The following SUN5 variants were observed in gnomAD, a reference collection of about 807,000 sequenced individuals.
The protein encoded by SUN5 is SUN domain-containing protein 5.
A neutral mutation model predicts 53.7 loss-of-function variants in SUN5; 44 were observed. That is an observed-to-expected ratio of 0.82 (90% CI 0.64 to 1.05). SUN5 has a LOEUF of 1.05. Among genes scored for constraint, SUN5 ranks in the 50% least tolerant of loss-of-function variants. SUN5 has a pLI of 0.00. For missense variants in SUN5, 433 were observed against 483.8 expected (o/e 0.90, Z 0.98); for synonymous variants, 166 against 179.8 (o/e 0.92, Z 0.62).
Position 32,997,689 on chromosome 20 carries a change from T to C in SUN5, c.341-2A>G, listed in dbSNP as rs1245022806. ...AGTGAATAGAAAACATCCAGAATCC[T>C]GTGAGGCCATGAGAATAAGAATGAG... On this transcript the variant is annotated splice_acceptor_variant, in intron 5 of 12. Coordinates refer to ENST00000356173, the MANE Select transcript of SUN5 (RefSeq NM_080675.4). LOFTEE classifies it high-confidence loss of function. 2.5e-6 allele frequency: 4 copies of C among 1,613,912 alleles called. No homozygotes were observed. The South Asian group carries it at 4.4e-5, about 18-fold the overall frequency.
chr20:32,991,440 C>T (rs1441665329), intron 8 of SUN5, among the ~76,000 whole-genome samples: 1 of 152,214 alleles, frequency 6.6e-6, no homozygotes. Context: ...GGCACAAAGA[C>T]GGTAAGTAAA....
intron 2 of SUN5, 76 bp downstream of exon 2, chr20:33,002,785 G>A (rs6120081): frequency 5.0e-6 from 8 of 1,604,996 alleles, no homozygotes; most frequent in Non-Finnish European, 6.8e-6. Flanking sequence ...GGTAGCCCCA[G>A]GTTGCCCGTT....
chr20:32,989,071 G>A (rs1039203919), intron 9 of SUN5, among the ~76,000 whole-genome samples: 103 of 152,126 alleles, frequency 6.8e-4, no homozygotes, highest in African/African-American at 2.4e-3. Context: ...GACTACAGGC[G>A]CCCACCACCA....
intron 8 of SUN5, among the ~76,000 whole-genome samples, chr20:32,990,309 G>T (rs1342519176): frequency 2.0e-5 from 3 of 152,256 alleles, no homozygotes; most frequent in African/African-American, 7.2e-5. Flanking sequence ...TCTGCTGCCA[G>T]ATGCGGATGG....
chr20:32,994,434 A>C (rs924712041), intron 8 of SUN5, among the ~76,000 whole-genome samples: 7 of 152,254 alleles, frequency 4.6e-5, no homozygotes, highest in Non-Finnish European at 1.0e-4. Context: ...GATGATCCAG[A>C]CATTGGAGTT....
chr20:32,987,016 A>G (rs1600489117), intron 10 of SUN5, among the ~76,000 whole-genome samples: 1 of 152,340 alleles, frequency 6.6e-6, no homozygotes, highest in Non-Finnish European at 1.5e-5. Context: ...GAACCCACGG[A>G]TGAGTGGCCT....
chr20:32,984,264 T>C (rs1358661486), intron 12 of SUN5, among the ~76,000 whole-genome samples: 1 of 152,118 alleles, frequency 6.6e-6, no homozygotes, highest in Non-Finnish European at 1.5e-5. Flanking sequence ...AAGATGGGAA[T>C]GGTAATATCT....
At chr20:32,987,850 G>GCACATAGTCAGGGCCC in intron 9 of SUN5, 75 bp from the exon 10 acceptor site, 1 of 1,207,074 alleles carries the variant, frequency 8.3e-7, no homozygotes, top group Non-Finnish European at 1.2e-6. Context: ...GATGGGCCCT[G>GCACATAGTCAGGGCCC]ACTATGTGCC....
chr20:33,001,111 C>T, intron 4 of SUN5, 101 bp downstream of exon 4: 2 of 1,357,746 alleles, frequency 1.5e-6, no homozygotes, highest in South Asian at 2.6e-5. Context: ...CTTTTCTGGT[C>T]TGGCTACCAA....
At chr20:32,987,186 C>G (rs1989567066) in intron 10 of SUN5, among the ~76,000 whole-genome samples, 1 of 152,184 alleles carries the variant, frequency 6.6e-6, no homozygotes, top group Non-Finnish European at 1.5e-5. Context: ...CTGAAGAGCT[C>G]AGGTTTGAAC....
chr20:32,995,660 G>A lies in SUN5; in HGVS notation c.493C>T (p.Leu165Phe). 1 of 1,614,192 alleles carries A rather than the reference G, an allele frequency of 6.2e-7. No individual in the cohort carries two copies. Among genetic ancestry groups the A allele is most frequent in the Non-Finnish European group, 8.5e-7 (1 of 1,180,040 alleles). ...TCCATCTCCTGGAGCTTGGCAATGA[G>A]CTGGTTCATGCTACCTCGGAGGTCC... ...IQDLRGSMNQ[L>F]IAKLQEMEAM... Residue 165 changes from leucine (L) to phenylalanine (F), a missense_variant, in exon 8 of 13, where the codon CTC becomes TTC. By Grantham distance (22) the Leu-to-Phe change is conservative (BLOSUM62 0). Coordinates refer to ENST00000356173, the MANE Select transcript of SUN5 (RefSeq NM_080675.4).
chr20:32,999,800 T>G, intron 5 of SUN5: 1 of 959,590 alleles, frequency 1.0e-6, no homozygotes, highest in Non-Finnish European at 1.5e-6. Flanking sequence ...GAGGTGGGGG[T>G]GGTGGCTGGA....
chr20:33,003,194 C>T (rs1990100871), intron 1 of SUN5, among the ~76,000 whole-genome samples: 1 of 152,140 alleles, frequency 6.6e-6, no homozygotes, highest in South Asian at 2.1e-4. Flanking sequence ...TCTGCTCCTA[C>T]CCAATGTGAT....
intron 8 of SUN5, among the ~76,000 whole-genome samples, chr20:32,990,101 T>A (rs1989673389): frequency 1.3e-5 from 2 of 152,174 alleles, no homozygotes; most frequent in Non-Finnish European, 2.9e-5. Flanking sequence ...GCCCCTACTA[T>A]GTGCCAGGGC....
intron 6 of SUN5, 130 bp from the exon 7 acceptor site, chr20:32,996,488 C>G (rs879918161): frequency 1.2e-5 from 8 of 687,826 alleles, no homozygotes; most frequent in Non-Finnish European, 1.9e-5. Context: ...GACTCTTCCA[C>G]CCGTCTACCC....
intron 5 of SUN5, among the ~76,000 whole-genome samples, chr20:32,999,526 A>G (rs1443313290): frequency 2.0e-5 from 3 of 152,146 alleles, no homozygotes; most frequent in East Asian, 1.9e-4. Context: ...CGGGAGGCGG[A>G]GGTTGCAGTG....
chr20:32,991,195 T>C (rs909154645), intron 8 of SUN5, among the ~76,000 whole-genome samples: 21 of 152,192 alleles, frequency 1.4e-4, no homozygotes, highest in African/African-American at 5.1e-4. Flanking sequence ...GATCCACAGG[T>C]GCTGGGACTG....
intron 10 of SUN5, 98 bp downstream of exon 10, chr20:32,987,562 C>CCCCCT: frequency 1.1e-6 from 1 of 949,430 alleles, no homozygotes; most frequent in Admixed American, 2.3e-5. Flanking sequence ...CCCCCACTCC[C>CCCCCT]TTTGCTCCCA....
chr20:32,984,427 G>C (rs1030951254), intron 12 of SUN5, among the ~76,000 whole-genome samples: 5 of 152,182 alleles, frequency 3.3e-5, no homozygotes, highest in Non-Finnish European at 4.4e-5. Flanking sequence ...CAAGCAAGAG[G>C]GGGTGGAGCC....
Sources: allele counts gnomAD v4.1 joint callset (sites outside exome capture counted in the v4.1 genomes callset), GRCh38; gene constraint gnomAD v4.1.1; transcripts MANE v1.5; gene names NCBI Gene and HGNC (gene_info 2026-07-23, HGNC 2026-07-21).